The following NF1 variants were observed in gnomAD, a reference collection of about 807,000 sequenced individuals.
NF1 encodes the protein neurofibromin.
NF1 carries 122 observed loss-of-function variants against 325.7 expected under a neutral mutation model. The observed-to-expected ratio is 0.37, with a 90% CI of 0.32 to 0.44. The LOEUF is 0.44. NF1 is among the 20% of genes least tolerant of loss of function. NF1 has a pLI of 1.00. For missense variants in NF1, 2,140 were observed against 3,415.4 expected (o/e 0.63, Z 9.31); for synonymous variants, 1,091 against 1,186.0 (o/e 0.92, Z 1.65).
At chr17:31,319,096 AAGAT>A (rs2069109190) in intron 36 of NF1, 1 of 1,457,780 alleles carries the variant, frequency 6.9e-7, no homozygotes, top group Admixed American at 2.2e-5. Context: ...TTGTAGTTAA[AAGAT>A]AGTGTTGAGA....
rs190331125 is a variant in NF1, at chr17:31,155,052, A to G, written c.61-931A>G. ...CTATTTAGTATTTCTTTACTATCAAAATAATCGTCCATTATTAACTGATTT... is the reference window on the plus strand; with the variant it reads ...CTATTTAGTATTTCTTTACTATCAAGATAATCGTCCATTATTAACTGATTT... On this transcript the variant is annotated intron_variant, in intron 1 of 57. Coordinates refer to ENST00000358273, the MANE Select transcript of NF1 (RefSeq NM_001042492.3). Among the ~76,000 whole-genome samples the G allele has an allele frequency of 3.7e-4, 57 of 152,180 alleles. No individual in the cohort carries two copies. The East Asian group carries it at 9.3e-3, about 25-fold the overall frequency.
chr17:31,162,035 CAAAAAAAA>C (rs781244510), intron 3 of NF1, among the ~76,000 whole-genome samples: 2 of 54,176 alleles, frequency 3.7e-5, no homozygotes, highest in African/African-American at 8.1e-5. Flanking sequence ...GACTCCATCT[CAAAAAAAA>C]AAAAAAAAAA....
Position 31,377,455 on chromosome 17 carries a change from C to T in NF1, c.*3300C>T, listed in dbSNP as rs2151604009. 1 of 233,146 alleles carries T rather than the reference C, an allele frequency of 4.3e-6. No homozygotes were observed. Among genetic ancestry groups the T allele is most frequent in the East Asian group, 6.1e-5 (1 of 16,486 alleles). 14.4% of individuals were successfully genotyped at this position (233,146 alleles called of 1,614,324 possible). A position where few individuals can be genotyped will look rare whatever the true frequency, so the allele number is the denominator to read the frequency against. Reference sequence around the variant, plus strand: ...AACTTACTGTCCTTTCCATCCGGGCCTAAACTTTGGCAGTTCCTTTGTCTA... The same window carrying T: ...AACTTACTGTCCTTTCCATCCGGGCTTAAACTTTGGCAGTTCCTTTGTCTA... On this transcript the variant is annotated 3_prime_UTR_variant, in exon 58 of 58. Transcript: ENST00000358273.
intron 31 of NF1, among the ~76,000 whole-genome samples, chr17:31,257,049 A>G (rs2067595158): frequency 6.6e-6 from 1 of 152,218 alleles, no homozygotes; most frequent in Admixed American, 6.5e-5. Flanking sequence ...ATTGAACAAG[A>G]TGAAGTGAAA....
At position 31,214,191 on chromosome 17, in the gene NF1, T is replaced by C. The variant is rs143696914; in HGVS notation, c.1393-260T>C. Among the ~76,000 whole-genome samples, 486 of 152,214 alleles carry C rather than the reference T, an allele frequency of 3.2e-3. 8 individuals are homozygous for C. Among genetic ancestry groups the C allele is most frequent in the African/African-American group, 0.011 (457 of 41,550 alleles). ...GTTTTACAACCTGATACTAAGCTTTTAGTATTGTAATAGATTTTCATTGTT... is the reference window on the plus strand; with the variant it reads ...GTTTTACAACCTGATACTAAGCTTTCAGTATTGTAATAGATTTTCATTGTT... On this transcript the variant is annotated intron_variant, in intron 12 of 57. Coordinates refer to ENST00000358273, the MANE Select transcript of NF1 (RefSeq NM_001042492.3).
intron 33 of NF1, 67 bp from the exon 34 acceptor site, chr17:31,260,302 A>G (rs2067660739): frequency 6.6e-7 from 1 of 1,518,846 alleles, no homozygotes; most frequent in Non-Finnish European, 9.1e-7. Flanking sequence ...CTTCTTATAA[A>G]TTTAATTCAA....
Position 31,207,028 on chromosome 17 carries a change from CA to C in NF1, c.1392+658del, listed in dbSNP as rs569669037. On this transcript the variant is annotated intron_variant, in intron 12 of 57. Transcript: ENST00000358273. ...AAGATAATTATAAGATTGTGGAAGT[CA>C]TTTTTTTGGTGTTTATGTATAGCAA... Among the ~76,000 whole-genome samples, 314 of 152,182 alleles carry C rather than the reference CA, an allele frequency of 2.1e-3. 1 individual carries two copies. Among genetic ancestry groups the C allele is most frequent in the African/African-American group, 7.0e-3 (289 of 41,514 alleles).
chr17:31,200,661 A>G lies in NF1; in HGVS notation c.1062+66A>G, dbSNP rs190343472. The G allele has an allele frequency of 1.0e-5, 16 of 1,535,800 alleles. No homozygotes were observed. The Admixed American group carries it at 2.5e-4, about 24-fold the overall frequency. ...ATTAAATGAATTTTCTAGCATAAGT[A>G]TTATGTCAAAGATAATTGCTAACAT... On this transcript the variant is annotated intron_variant, in intron 9 of 57. Coordinates refer to ENST00000358273, the MANE Select transcript of NF1 (RefSeq NM_001042492.3).
chr17:31,366,981 T>G (rs911462537), intron 57 of NF1, among the ~76,000 whole-genome samples: 5 of 152,150 alleles, frequency 3.3e-5, no homozygotes, highest in Non-Finnish European at 5.9e-5. Flanking sequence ...ATTCTTAATT[T>G]AAACTAAAAT....
chr17:31,315,785 G>A (rs1322606348), intron 36 of NF1, among the ~76,000 whole-genome samples: 1 of 152,124 alleles, frequency 6.6e-6, no homozygotes, highest in South Asian at 2.1e-4. Flanking sequence ...TGGTCACTGC[G>A]GGAAACACAG....
At chr17:31,225,309 G>T in intron 17 of NF1, 59 bp downstream of exon 17, 1 of 1,586,320 alleles carries the variant, frequency 6.3e-7, no homozygotes, top group South Asian at 1.1e-5. Context: ...TTTTCTGAAT[G>T]AAATTTGGTA....
intron 48 of NF1, among the ~76,000 whole-genome samples, chr17:31,346,853 A>C (rs1597855772): frequency 8.9e-6 from 1 of 112,550 alleles, no homozygotes; most frequent in Non-Finnish European, 1.8e-5. Flanking sequence ...ATCTGTTTTC[A>C]CTCTTAGGCT....
intron 36 of NF1, chr17:31,305,579 A>G: frequency 6.2e-7 from 1 of 1,613,400 alleles, no homozygotes; most frequent in Non-Finnish European, 8.5e-7. Flanking sequence ...TGTCCACAAA[A>G]CAAAATTAAG....
chr17:31,332,488 T>G (rs1223890723), intron 39 of NF1, among the ~76,000 whole-genome samples: 1 of 151,264 alleles, frequency 6.6e-6, no homozygotes, highest in Non-Finnish European at 1.5e-5. Flanking sequence ...AATGAATAAA[T>G]GAATGAATGA....
intron 13 of NF1, among the ~76,000 whole-genome samples, chr17:31,215,632 C>A (rs531203441): frequency 6.6e-6 from 1 of 152,154 alleles, no homozygotes; most frequent in Non-Finnish European, 1.5e-5. Flanking sequence ...TAATAAGATA[C>A]AATTTAACAC....
chr17:31,235,856 C>T (rs1479262002), intron 28 of NF1, 62 bp from the exon 29 acceptor site: 1 of 1,609,770 alleles, frequency 6.2e-7, no homozygotes, highest in African/African-American at 1.3e-5. Context: ...GGCTGATTGT[C>T]TTCTTTTAAG....
intron 36 of NF1, among the ~76,000 whole-genome samples, chr17:31,269,213 A>G (rs1158879061): frequency 6.6e-6 from 1 of 152,144 alleles, no homozygotes; most frequent in African/African-American, 2.4e-5. Context: ...TCCAGTAGAA[A>G]GCTTGTCTGT....
chr17:31,295,206 T>C (rs1241657166), intron 36 of NF1: 4 of 1,614,004 alleles, frequency 2.5e-6, no homozygotes, highest in Admixed American at 1.7e-5. Flanking sequence ...GTCATGGGTG[T>C]TGGGGATGAT....
chr17:31,371,186 AAAT>A (rs1239513182), intron 57 of NF1, among the ~76,000 whole-genome samples: 1 of 152,200 alleles, frequency 6.6e-6, no homozygotes, highest in Non-Finnish European at 1.5e-5. Flanking sequence ...TGTATTGAAA[AAAT>A]AACTAGATTT....
Sources: allele counts gnomAD v4.1 joint callset (sites outside exome capture counted in the v4.1 genomes callset), GRCh38; gene constraint gnomAD v4.1.1; transcripts MANE v1.5; gene names NCBI Gene and HGNC (gene_info 2026-07-23, HGNC 2026-07-21).